The following TRAPPC10 variants were observed in gnomAD, a reference collection of about 807,000 sequenced individuals.
TRAPPC10 encodes the protein trafficking protein particle complex subunit 10, also known as TRAPP 130 kDa subunit.
In TRAPPC10, 23 loss-of-function variants were observed where a neutral mutation model predicts 125.5. The ratio of observed to expected loss-of-function variants is 0.18; its 90% CI spans 0.13 to 0.26. The LOEUF (loss-of-function observed/expected upper bound fraction) is 0.26, where lower values mean the gene tolerates loss of function less well. TRAPPC10 is among the 10% of genes least tolerant of loss of function. The probability of loss-of-function intolerance (pLI) is 1.00; values close to 1 mark genes in which losing one functional copy is unlikely to be tolerated. For synonymous variants in TRAPPC10, 509 were observed against 518.0 expected, an observed-to-expected ratio of 0.98 and a Z score of 0.24; for missense variants, 1,123 against 1,308.4, an observed-to-expected ratio of 0.86 and a Z score of 2.19.
At chr21:44,094,518 C>T (rs1385348838) in intron 20 of TRAPPC10, among the ~76,000 whole-genome samples, 1 of 152,090 alleles carries the variant, frequency 6.6e-6, no homozygotes, top group African/African-American at 2.4e-5. Flanking sequence ...TATCTTTTTC[C>T]CTTTCTCATG....
At chr21:44,077,665 A>G in intron 10 of TRAPPC10, 28 bp from the exon 11 acceptor site, 4 of 1,494,802 alleles carry the variant, frequency 2.7e-6, no homozygotes, top group Non-Finnish European at 3.7e-6. Context: ...AAGTTCAAGT[A>G]CATAATTGTG....
intron 19 of TRAPPC10, among the ~76,000 whole-genome samples, chr21:44,092,682 T>C (rs376672786): frequency 2.0e-5 from 3 of 152,248 alleles, no homozygotes; most frequent in East Asian, 1.9e-4. Flanking sequence ...GTGTGGACTT[T>C]ACATGTAATA....
intron 6 of TRAPPC10, chr21:44,062,802 A>G: frequency 2.0e-6 from 2 of 985,446 alleles, no homozygotes; most frequent in Non-Finnish European, 2.4e-6. Context: ...GCGTTTAACC[A>G]TGCCAGGATG....
chr21:44,044,355 A>C (rs1228807716), intron 3 of TRAPPC10, among the ~76,000 whole-genome samples: 3 of 152,068 alleles, frequency 2.0e-5, no homozygotes, highest in Non-Finnish European at 4.4e-5. Context: ...TATTTAAAAA[A>C]AGGAGTAAGT....
intron 7 of TRAPPC10, among the ~76,000 whole-genome samples, chr21:44,065,744 C>A (rs1157527399): frequency 1.3e-5 from 2 of 152,276 alleles, no homozygotes; most frequent in African/African-American, 4.8e-5. Context: ...GAAGCCCACA[C>A]AATCCTCTTT....
Position 44,031,162 on chromosome 21 carries a change from G to GT in TRAPPC10, c.68-923dup, listed in dbSNP as rs150989468. Among the ~76,000 whole-genome samples, 30 of 152,264 alleles carry GT rather than the reference G, an allele frequency of 2.0e-4. No homozygotes were observed. The East Asian group carries it at 5.6e-3, about 28-fold the overall frequency. ...GACATTATTATATGAGTTTCAGGAG[G>GT]TTTTTTATTTTTAGGCTTTTGATAG... is the stretch of plus-strand genomic sequence containing the variant. On this transcript the variant is annotated intron_variant, in intron 1 of 22. Coordinates refer to ENST00000291574, the MANE Select transcript of TRAPPC10 (RefSeq NM_003274.5).
chr21:44,065,099 AG>A (rs924995373), intron 7 of TRAPPC10, among the ~76,000 whole-genome samples: 1 of 152,060 alleles, frequency 6.6e-6, no homozygotes, highest in African/African-American at 2.4e-5. Flanking sequence ...ACTAGCCGGG[AG>A]GGGGGAAAAT....
chr21:44,088,700 G>C (rs552988978), intron 17 of TRAPPC10: 1 of 155,142 alleles, frequency 6.4e-6, no homozygotes, highest in African/African-American at 2.5e-5. Context: ...GCAGGAGCGC[G>C]CAGCACTGGT....
At chr21:44,076,318 G>A (rs920329939) in intron 9 of TRAPPC10, among the ~76,000 whole-genome samples, 2 of 152,176 alleles carry the variant, frequency 1.3e-5, no homozygotes, top group Non-Finnish European at 2.9e-5. Context: ...TTCTAAAAAA[G>A]TTTAGTTCTA....
chr21:44,055,632 C>A, intron 4 of TRAPPC10, 66 bp from the exon 5 acceptor site: 1 of 1,287,798 alleles, frequency 7.8e-7, no homozygotes, highest in Non-Finnish European at 1.1e-6. Flanking sequence ...AGGACAATGG[C>A]AGCTGCTGAG....
chr21:44,042,666 A>G (rs890121880), intron 3 of TRAPPC10, among the ~76,000 whole-genome samples: 1 of 152,152 alleles, frequency 6.6e-6, no homozygotes, highest in East Asian at 1.9e-4. Context: ...TGTTTAGGTC[A>G]TTTATATTTT....
At chr21:44,081,993 A>G (rs2037783841) in intron 13 of TRAPPC10, among the ~76,000 whole-genome samples, 2 of 152,250 alleles carry the variant, frequency 1.3e-5, no homozygotes, top group African/African-American at 4.8e-5. Context: ...CCGTGACCAC[A>G]TCTGCTGCTG....
rs771050072 is a variant in TRAPPC10 at position 44,089,878 on chromosome 21, C to T, written c.2815C>T (p.Leu939=). Residue 939 remains leucine (L), a synonymous_variant, in exon 18 of 23, where the codon CTG becomes TTG. Coordinates refer to ENST00000291574, the MANE Select transcript of TRAPPC10 (RefSeq NM_003274.5). The part of the protein sequence containing the change: ...PWSIYSTVIA[L]TFSVPFRTTH... ...GTCCATCTACTCCACAGTCATCGCA[C>T]TGACCTTCAGCGTACCCTTCAGGAC... The T allele has an allele frequency of 3.1e-6, 5 of 1,614,002 alleles. No individual in the cohort carries two copies. The South Asian group carries it at 5.5e-5, about 18-fold the overall frequency.
At chr21:44,033,584 G>A (rs974003607) in intron 2 of TRAPPC10, among the ~76,000 whole-genome samples, 6 of 152,188 alleles carry the variant, frequency 3.9e-5, no homozygotes, top group African/African-American at 7.2e-5. Context: ...ATGTAGGCCC[G>A]GCATGGTGGC....
chr21:44,091,792 C>T, intron 18 of TRAPPC10, 131 bp from the exon 19 acceptor site: 2 of 890,354 alleles, frequency 2.2e-6, no homozygotes, highest in Non-Finnish European at 3.3e-6. Flanking sequence ...GAAACTTATG[C>T]AACAACTTAG....
At chr21:44,083,453 A>G in intron 14 of TRAPPC10, 151 bp downstream of exon 14, 1 of 835,882 alleles carries the variant, frequency 1.2e-6, no homozygotes, top group East Asian at 2.6e-5. Context: ...AAATACACTG[A>G]TGTTTTCTTT....
Position 44,079,621 on chromosome 21 carries a change from C to T in TRAPPC10, c.1527C>T (p.Tyr509=). 6.2e-7 allele frequency: 1 copy of T among 1,609,558 alleles called. No individual in the cohort carries two copies. The highest frequency in any genetic ancestry group is 8.5e-7 in the Non-Finnish European group (1 of 1,179,014). ...ATCTTCAAGGAGCACTGAAAAACTA[C>T]CTGGCTGAGGGCTGGGCACTCCCCA... The part of the protein sequence containing the change: ...EIYLQGALKN[Y]LAEGWALPIT... Residue 509 remains tyrosine (Y), a synonymous_variant, in exon 12 of 23, where the codon TAC becomes TAT. Transcript: ENST00000291574.
chr21:44,020,701 C>G (rs2032421723), intron 1 of TRAPPC10, among the ~76,000 whole-genome samples: 1 of 152,130 alleles, frequency 6.6e-6, no homozygotes, highest in East Asian at 1.9e-4. Context: ...GAACTGACAA[C>G]CACCTGTTTG....
chr21:44,050,221 C>T (rs539434944), intron 3 of TRAPPC10, among the ~76,000 whole-genome samples: 2 of 152,220 alleles, frequency 1.3e-5, no homozygotes, highest in Admixed American at 6.5e-5. Context: ...TCTTGCCAAC[C>T]GGTTTGCCCC....
Sources: allele counts gnomAD v4.1 joint callset (sites outside exome capture counted in the v4.1 genomes callset), GRCh38; gene constraint gnomAD v4.1.1; transcripts MANE v1.5; gene names NCBI Gene and HGNC (gene_info 2026-07-23, HGNC 2026-07-21).